STOX1: variants seen among roughly 807,000 people sequenced by gnomAD.
The protein encoded by STOX1 is storkhead-box protein 1.
In STOX1, 57 loss-of-function variants were observed where a neutral mutation model predicts 74.8. That is an observed-to-expected ratio of 0.76 (90% CI 0.62 to 0.95). STOX1 has a LOEUF of 0.95. STOX1 is among the 40% of genes least tolerant of loss of function. The probability of loss-of-function intolerance (pLI) is 0.00; values close to 1 mark genes in which losing one functional copy is unlikely to be tolerated. For synonymous variants in STOX1, 375 were observed against 401.3 expected (o/e 0.93, Z 0.78); for missense variants, 1,010 against 1,117.0 (o/e 0.90, Z 1.37).
At chr10:68,837,641 C>T (rs1165600724) in intron 1 of STOX1, among the ~76,000 whole-genome samples, 1 of 152,172 alleles carries the variant, frequency 6.6e-6, no homozygotes, top group Non-Finnish European at 1.5e-5. Flanking sequence ...CCCCATGGGC[C>T]TACGGGAGTG....
chr10:68,849,030 C>T (rs1340603684), intron 1 of STOX1, among the ~76,000 whole-genome samples: 1 of 152,160 alleles, frequency 6.6e-6, no homozygotes, highest in Non-Finnish European at 1.5e-5. Context: ...ATGGGACCCA[C>T]GTCTGGCATC....
Position 68,845,501 on chromosome 10 carries a change from C to A in STOX1, c.310+17568C>A, listed in dbSNP as rs1839818300. Among the ~76,000 whole-genome samples, 4 of 151,618 alleles carry A rather than the reference C, an allele frequency of 2.6e-5. No homozygotes were observed. The South Asian group carries it at 8.4e-4, about 32-fold the overall frequency. ...ATGTTAGCCAGGATGGTCTCGATCT[C>A]CTGACCTCGTGATCCACCTGCCTCG... On this transcript the variant is annotated intron_variant, in intron 1 of 3. Transcript: ENST00000298596.
At chr10:68,877,811 T>C (rs1564585005) in intron 1 of STOX1, among the ~76,000 whole-genome samples, 2 of 152,244 alleles carry the variant, frequency 1.3e-5, no homozygotes, top group African/African-American at 4.8e-5. Flanking sequence ...ATGGGTATTA[T>C]GTGGCTAAGG....
In STOX1 at chr10:68,886,536, C is replaced by T; in HGVS notation, c.2740C>T (p.Gln914Ter). 1 of 1,614,096 alleles carries T rather than the reference C, an allele frequency of 6.2e-7. No homozygotes were observed. The highest frequency in any genetic ancestry group is 8.5e-7 in the Non-Finnish European group (1 of 1,180,000). Residue 914 changes from glutamine (Q) to a stop codon, truncating the protein, a stop_gained, in exon 3 of 4, where the codon CAG becomes TAG. Transcript: ENST00000298596. LOFTEE classifies it high-confidence loss of function. ...CACTTCACATATGCCAGTGTTGGCT[C>T]AGGATGTCCAATATGAACACAGTCA... is the stretch of plus-strand genomic sequence containing the variant. ...FNTSHMPVLAQDVQYEHSHLE... is the reference protein window; with the variant it reads ...FNTSHMPVLA
chr10:68,894,091 G>A (rs975333403), downstream of STOX1, among the ~76,000 whole-genome samples: 2 of 151,022 alleles, frequency 1.3e-5, no homozygotes, highest in African/African-American at 2.4e-5. Context: ...ACAGCATCTC[G>A]CACTATTGCC....
intron 1 of STOX1, among the ~76,000 whole-genome samples, chr10:68,867,131 G>C (rs1034008666): frequency 2.6e-5 from 4 of 151,768 alleles, no homozygotes; most frequent in Admixed American, 2.6e-4. Flanking sequence ...ATTTTTAGTA[G>C]AGACAGGGTT....
At chr10:68,872,785 T>C (rs1840567197) in intron 1 of STOX1, among the ~76,000 whole-genome samples, 1 of 152,182 alleles carries the variant, frequency 6.6e-6, no homozygotes, top group Admixed American at 6.5e-5. Flanking sequence ...GCACAGTCTT[T>C]CATGGGCCTT....
At chr10:68,844,241 A>G (rs994368380) in intron 1 of STOX1, among the ~76,000 whole-genome samples, 1 of 149,080 alleles carries the variant, frequency 6.7e-6, no homozygotes, top group Non-Finnish European at 1.5e-5. Flanking sequence ...TTCCCTAATG[A>G]CTAGTGAGTT....
chr10:68,828,542 C>T (rs895382699), intron 1 of STOX1, among the ~76,000 whole-genome samples: 2 of 152,140 alleles, frequency 1.3e-5, no homozygotes, highest in African/African-American at 4.8e-5. Flanking sequence ...TCTTAAAGCC[C>T]GTGGAGTGCA....
intron 1 of STOX1, among the ~76,000 whole-genome samples, chr10:68,879,375 C>G (rs1840754498): frequency 6.6e-6 from 1 of 152,102 alleles, no homozygotes; most frequent in Admixed American, 6.6e-5. Context: ...TTCTCTGCCT[C>G]AATATATTTG....
intron 1 of STOX1, among the ~76,000 whole-genome samples, chr10:68,859,404 A>G (rs2133555943): frequency 6.6e-6 from 1 of 152,214 alleles, no homozygotes; most frequent in East Asian, 1.9e-4. Context: ...TGAATTAAAA[A>G]CTAGGCAATC....
chr10:68,846,634 T>C (rs1236366718), intron 1 of STOX1, among the ~76,000 whole-genome samples: 1 of 152,236 alleles, frequency 6.6e-6, no homozygotes, highest in Non-Finnish European at 1.5e-5. Context: ...TCTCCAATAC[T>C]ACAGTGTTTT....
rs1432198669 is a variant in STOX1, at chr10:68,881,941, T to G, written c.311-17T>G. The G allele has an allele frequency of 4.3e-6, 7 of 1,613,632 alleles. No individual in the cohort carries two copies. The highest frequency in any genetic ancestry group is 5.9e-6 in the Non-Finnish European group (7 of 1,179,814). On this transcript the variant is annotated splice_polypyrimidine_tract_variant and intron_variant, in intron 1 of 3. Coordinates refer to ENST00000298596, the MANE Select transcript of STOX1 (RefSeq NM_152709.5). ...TTTATCAACCCCCTCCCCCTTTTTT[T>G]TAAATCTCCAATTTAGGTGATGTCT...
At chr10:68,852,521 G>A (rs1469221248) in intron 1 of STOX1, among the ~76,000 whole-genome samples, 2 of 151,622 alleles carry the variant, frequency 1.3e-5, no homozygotes, top group East Asian at 3.9e-4. Flanking sequence ...GCCTCCCAAA[G>A]TGCTGGGATT....
intron 1 of STOX1, among the ~76,000 whole-genome samples, chr10:68,846,181 C>T (rs1839852001): frequency 6.8e-6 from 1 of 147,412 alleles, no homozygotes; most frequent in Non-Finnish European, 1.5e-5. Flanking sequence ...GAGTCTCGCT[C>T]TGTCACCCAG....
chr10:68,875,764 G>A (rs1237092580), intron 1 of STOX1, among the ~76,000 whole-genome samples: 1 of 152,076 alleles, frequency 6.6e-6, no homozygotes, highest in Admixed American at 6.5e-5. Context: ...TGCTCCTATT[G>A]GCCAGGGGCT....
intron 1 of STOX1, among the ~76,000 whole-genome samples, chr10:68,862,392 ATAAT>A (rs755775588): frequency 6.6e-6 from 1 of 152,126 alleles, no homozygotes; most frequent in African/African-American, 2.4e-5. Context: ...AAGTTACATA[ATAAT>A]TAGGGATGTC....
chr10:68,851,414 A>G (rs1216369936), intron 1 of STOX1, among the ~76,000 whole-genome samples: 1 of 152,142 alleles, frequency 6.6e-6, no homozygotes, highest in Non-Finnish European at 1.5e-5. Context: ...TTATGATCCA[A>G]TTGTGGTAGT....
intron 1 of STOX1, among the ~76,000 whole-genome samples, chr10:68,873,479 T>G (rs1840588943): frequency 1.3e-5 from 2 of 150,274 alleles, no homozygotes; most frequent in South Asian, 4.2e-4. Flanking sequence ...GCCAGGATGA[T>G]CTCGATCTCC....
Sources: gnomAD v4.1 joint callset for allele counts (sites outside exome capture counted in the v4.1 genomes callset) on GRCh38, gnomAD v4.1.1 for gene constraint, MANE v1.5 for transcripts, NCBI Gene and HGNC (gene_info 2026-07-23, HGNC 2026-07-21) for gene names.